Variants in WNT2B observed in about 807,000 individuals in gnomAD.
WNT2B encodes protein Wnt-2b.
WNT2B carries 19 observed loss-of-function variants against 40.5 expected under a neutral mutation model. That is an observed-to-expected ratio of 0.47 (90% CI 0.33 to 0.69). WNT2B has a LOEUF of 0.69. WNT2B is among the 30% of genes least tolerant of loss of function. WNT2B has a pLI of 0.02. For missense variants in WNT2B, 467 were observed against 556.4 expected (o/e 0.84, Z 1.62); for synonymous variants, 220 against 211.9 (o/e 1.04, Z -0.33).
intron 1 of WNT2B, among the ~76,000 whole-genome samples, chr1:112,478,874 G>T (rs1198561427): frequency 6.6e-6 from 1 of 151,812 alleles, no homozygotes; most frequent in Non-Finnish European, 1.5e-5. Context: ...AGTGAGGCAT[G>T]ATCACACCAC....
upstream of WNT2B, among the ~76,000 whole-genome samples, chr1:112,508,082 G>A (rs1200343116): frequency 2.0e-5 from 3 of 152,038 alleles, no homozygotes; most frequent in Non-Finnish European, 2.9e-5. This position sits in a 1 kb window ranked among gnomAD's most constrained non-coding sequence, Gnocchi z 4.2. Flanking sequence ...GCGAGAAGAC[G>A]AAGGAGGGAA....
Position 112,509,273 on chromosome 1 carries a change from C to A in WNT2B, c.11C>A (p.Pro4Gln). The A allele has an allele frequency of 6.5e-7, 1 of 1,532,078 alleles. No individual in the cohort carries two copies. The highest frequency in any genetic ancestry group is 1.4e-5 in the African/African-American group (1 of 71,248). The allele number at this position is 1,532,078 out of a possible 1,614,324, so 94.9% of individuals were successfully genotyped here. The change falls in exon 1 of 5, where the codon CCG (proline) becomes CAG (glutamine). Residue 4 changes from proline to glutamine, a missense_variant. Physicochemically the swap from Pro to Gln is moderately conservative, Grantham distance 76. Coordinates refer to ENST00000369684, the MANE Select transcript of WNT2B (RefSeq NM_024494.3). This position sits in a 1 kb window ranked among gnomAD's most constrained non-coding sequence, Gnocchi z 4.2. ...AGTCTTCGGGGAGCTATGCTGAGACCGGGTGGTGCGGAGGAAGCTGCGCAG... is the reference window on the plus strand; with the variant it reads ...AGTCTTCGGGGAGCTATGCTGAGACAGGGTGGTGCGGAGGAAGCTGCGCAG... MLR[P>Q]GGAEEAAQLP...
At position 112,527,628 on chromosome 1, in the gene WNT2B, GTA is replaced by G. The variant is rs1653672892; in HGVS notation, c.*7122_*7123del. On this transcript the variant is annotated 3_prime_UTR_variant, in exon 5 of 5. Transcript: ENST00000369684. The stretch of plus-strand genomic sequence containing the variant: ...ATGACAGCAGCTTCATAGGTCTTGT[GTA>G]TAAAGGAAGGAAAAAGCTAACTTGG... The G allele has an allele frequency of 6.6e-6, 1 of 152,658 alleles. No individual in the cohort carries two copies. Among genetic ancestry groups the G allele is most frequent in the African/African-American group, 2.4e-5 (1 of 41,458 alleles). 9.5% of individuals were successfully genotyped at this position (152,658 alleles called of 1,614,324 possible). A position where few individuals can be genotyped will look rare whatever the true frequency, so the allele number is the denominator to read the frequency against.
chr1:112,493,141 T>C (rs1324086496), intron 1 of WNT2B, among the ~76,000 whole-genome samples: 1 of 152,246 alleles, frequency 6.6e-6, no homozygotes, highest in South Asian at 2.1e-4. Flanking sequence ...CTCTCTCTAA[T>C]GGGTAAAGTA....
intron 1 of WNT2B, among the ~76,000 whole-genome samples, chr1:112,502,370 G>A (rs1383472387): frequency 6.6e-6 from 1 of 152,224 alleles, no homozygotes; most frequent in Non-Finnish European, 1.5e-5. Flanking sequence ...GGGCTGCGCC[G>A]GGCAGATCCT....
intron 1 of WNT2B, among the ~76,000 whole-genome samples, chr1:112,475,555 C>T (rs1381998912): frequency 4.6e-5 from 7 of 151,840 alleles, no homozygotes; most frequent in South Asian, 2.1e-4. Context: ...ATAGCACAAA[C>T]GCTGAGGGAA....
chr1:112,489,782 A>ATTT (rs35427726), intron 1 of WNT2B, among the ~76,000 whole-genome samples: 2 of 149,996 alleles, frequency 1.3e-5, no homozygotes, highest in African/African-American at 2.5e-5. Flanking sequence ...AATTCTGCCT[A>ATTT]TTTTTTTTTT....
chr1:112,515,227 A>T lies in WNT2B; in HGVS notation c.403+133A>T. On this transcript the variant is annotated intron_variant, in intron 2 of 4. Coordinates refer to ENST00000369684, the MANE Select transcript of WNT2B (RefSeq NM_024494.3). This position sits in a 1 kb window ranked among gnomAD's most constrained non-coding sequence, Gnocchi z 4.4. Reference sequence around the variant, plus strand: ...TCATCAGAGAAAGAACTGTGGGCAGAGCCCAGGATATAATTGGGAACAGAC... The same window carrying T: ...TCATCAGAGAAAGAACTGTGGGCAGTGCCCAGGATATAATTGGGAACAGAC... 1 of 1,083,164 alleles carries T rather than the reference A, an allele frequency of 9.2e-7. No homozygotes were observed. Among genetic ancestry groups the T allele is most frequent in the Non-Finnish European group, 1.3e-6 (1 of 755,030 alleles). The allele number at this position is 1,083,164 out of a possible 1,614,324, so 67.1% of individuals were successfully genotyped here.
intron 1 of WNT2B, among the ~76,000 whole-genome samples, chr1:112,513,651 C>T (rs1435755586): frequency 2.0e-5 from 3 of 152,198 alleles, no homozygotes; most frequent in Admixed American, 6.5e-5. Context: ...ATTTTGGGGC[C>T]GTTCCCAAAC....
upstream of WNT2B, among the ~76,000 whole-genome samples, chr1:112,505,175 G>A (rs1652072284): frequency 6.6e-6 from 1 of 152,204 alleles, no homozygotes; most frequent in Admixed American, 6.5e-5. Context: ...TCTGCTGGCT[G>A]GGTGGAAGCT....
chr1:112,503,510 C>T (rs1311739968), intron 1 of WNT2B, among the ~76,000 whole-genome samples: 1 of 151,876 alleles, frequency 6.6e-6, no homozygotes, highest in Non-Finnish European at 1.5e-5. Flanking sequence ...AACATACACA[C>T]CAAGGAAAAT....
intron 1 of WNT2B, among the ~76,000 whole-genome samples, chr1:112,479,382 T>A (rs1429486555): frequency 6.6e-6 from 1 of 150,716 alleles, no homozygotes; most frequent in Non-Finnish European, 1.5e-5. Context: ...GAGACCAGCC[T>A]GGCCAACATG....
chr1:112,520,184 C>T (rs897046780), intron 4 of WNT2B, 96 bp from the exon 5 acceptor site: 12 of 1,282,228 alleles, frequency 9.4e-6, no homozygotes, highest in African/African-American at 5.9e-5. Context: ...CCCAAAAAAG[C>T]GATTCTTTTT....
intron 1 of WNT2B, among the ~76,000 whole-genome samples, chr1:112,513,337 G>A (rs916124763): frequency 6.6e-6 from 1 of 152,200 alleles, no homozygotes; most frequent in East Asian, 1.9e-4. Context: ...CCTGGAAGCT[G>A]TTGCCCTGAT....
At chr1:112,506,667 G>A (rs1403199772), upstream of WNT2B, among the ~76,000 whole-genome samples, 1 of 152,182 alleles carries the variant, frequency 6.6e-6, no homozygotes, top group Non-Finnish European at 1.5e-5. Flanking sequence ...AAGGAGCCTG[G>A]GCTCATTCCT....
At chr1:112,471,804 A>G (rs1224497093) in intron 1 of WNT2B, among the ~76,000 whole-genome samples, 2 of 152,216 alleles carry the variant, frequency 1.3e-5, no homozygotes, top group Non-Finnish European at 2.9e-5. Context: ...CATCTATAGA[A>G]AATTCATCTA....
At chr1:112,514,448 G>A (rs1016885914) in intron 1 of WNT2B, among the ~76,000 whole-genome samples, 1 of 152,142 alleles carries the variant, frequency 6.6e-6, no homozygotes, top group Non-Finnish European at 1.5e-5. Flanking sequence ...CCAGCCATGC[G>A]GGACATCCCT....
chr1:112,501,968 A>G (rs1265676513), intron 1 of WNT2B, among the ~76,000 whole-genome samples: 1 of 152,240 alleles, frequency 6.6e-6, no homozygotes, highest in African/African-American at 2.4e-5. Context: ...TCAGGCTGCC[A>G]TGCCTTTCCC....
At chr1:112,510,679 T>C (rs1279038806) in intron 1 of WNT2B, among the ~76,000 whole-genome samples, 3 of 151,976 alleles carry the variant, frequency 2.0e-5, no homozygotes, top group African/African-American at 7.2e-5. Flanking sequence ...GTTTTCCTGT[T>C]TCAGAAAAAT....
Sources: allele counts gnomAD v4.1 joint callset (sites outside exome capture counted in the v4.1 genomes callset), GRCh38; gene constraint gnomAD v4.1.1; non-coding constraint Gnocchi (gnomAD v3.1); transcripts MANE v1.5; gene names NCBI Gene and HGNC (gene_info 2026-07-23, HGNC 2026-07-21).